The following VPS13B variants were observed in gnomAD, a reference collection of about 807,000 sequenced individuals.
VPS13B encodes the protein intermembrane lipid transfer protein VPS13B.
A neutral mutation model predicts 426.4 loss-of-function variants in VPS13B; 285 were observed. The observed-to-expected ratio is 0.67, with a 90% CI of 0.61 to 0.74. The LOEUF (loss-of-function observed/expected upper bound fraction) is 0.74. VPS13B is among the 30% of genes least tolerant of loss of function. VPS13B has a pLI of 0.00. For missense variants in VPS13B, 4,537 were observed against 4,782.6 expected, an observed-to-expected ratio of 0.95 and a Z score of 1.51; for synonymous variants, 1,676 against 1,676.4, an observed-to-expected ratio of 1.00 and a Z score of 0.01.
Position 99,183,736 on chromosome 8 carries a change from A to G in VPS13B, c.2334-9140A>G, listed in dbSNP as rs144448226. 1.8e-3 allele frequency among the ~76,000 whole-genome samples: 277 copies of G among 152,320 alleles called. 1 individual carries two copies. Among genetic ancestry groups the G allele is most frequent in the African/African-American group, 6.3e-3 (262 of 41,586 alleles). On this transcript the variant is annotated intron_variant, in intron 16 of 61. Coordinates refer to ENST00000357162, the MANE Select transcript of VPS13B (RefSeq NM_152564.5). ...AATAAAGGTAATCCTTAAGTAAACT[A>G]TAAGTATTCATTTTTAAAAAATGAC...
chr8:99,178,602 TTTTA>T (rs1281133144), intron 16 of VPS13B, among the ~76,000 whole-genome samples: 2 of 152,084 alleles, frequency 1.3e-5, no homozygotes, highest in African/African-American at 4.8e-5. Flanking sequence ...ATTGGACATC[TTTTA>T]TTTATTTTAT....
At position 99,195,152 on chromosome 8, in the gene VPS13B, A is replaced by G. The variant is rs192075113; in HGVS notation, c.2515+2095A>G. Among the ~76,000 whole-genome samples the G allele has an allele frequency of 6.3e-3, 962 of 152,150 alleles. 8 individuals carry two copies. Among genetic ancestry groups the G allele is most frequent in the African/African-American group, 0.022 (903 of 41,532 alleles). On this transcript the variant is annotated intron_variant, in intron 17 of 61. Coordinates refer to ENST00000357162, the MANE Select transcript of VPS13B (RefSeq NM_152564.5). ...GAAGGTTGTATTAATTTTCATTCCC[A>G]CCAATGGTATTCTCTTTTTCTCCAC... is the stretch of plus-strand genomic sequence containing the variant.
chr8:99,463,427 TATTATC>T (rs778965397), intron 23 of VPS13B, among the ~76,000 whole-genome samples: 54 of 152,228 alleles, frequency 3.5e-4, no homozygotes, highest in Non-Finnish European at 2.2e-4. Context: ...CTCTTAATAC[TATTATC>T]ATTATTATTA....
intron 3 of VPS13B, among the ~76,000 whole-genome samples, chr8:99,083,956 A>T (rs1427346486): frequency 6.6e-6 from 1 of 151,536 alleles, no homozygotes; most frequent in East Asian, 1.9e-4. Flanking sequence ...TGGTATCAGG[A>T]TGATGCTGGC....
rs565552197 is a variant in VPS13B at position 99,162,507 on chromosome 8, G to T, written c.2208+5764G>T. Among the ~76,000 whole-genome samples the T allele has an allele frequency of 4.6e-5, 7 of 152,154 alleles. 1 individual carries two copies. The highest frequency in any genetic ancestry group is 1.7e-4 in the African/African-American group (7 of 41,508). Reference sequence around the variant, plus strand: ...AGTGTTACAGCTCTTAAGGTGGCGCGTCTGGAGTCTGTCCCTTCTGATGTT... The same window carrying T: ...AGTGTTACAGCTCTTAAGGTGGCGCTTCTGGAGTCTGTCCCTTCTGATGTT... On this transcript the variant is annotated intron_variant, in intron 15 of 61. Coordinates refer to ENST00000357162, the MANE Select transcript of VPS13B (RefSeq NM_152564.5).
intron 3 of VPS13B, among the ~76,000 whole-genome samples, chr8:99,053,132 A>G (rs868567962): frequency 6.6e-6 from 1 of 151,064 alleles, no homozygotes; most frequent in Non-Finnish European, 1.5e-5. Flanking sequence ...TTATTTAATT[A>G]TTTATTTATT....
intron 37 of VPS13B, among the ~76,000 whole-genome samples, chr8:99,718,802 G>C (rs1833019643): frequency 6.6e-6 from 1 of 151,692 alleles, no homozygotes; most frequent in Non-Finnish European, 1.5e-5. Context: ...GAGTACCCAG[G>C]ACCACAAGCA....
chr8:99,640,561 C>G (rs183844378), intron 33 of VPS13B, among the ~76,000 whole-genome samples: 49 of 152,210 alleles, frequency 3.2e-4, no homozygotes, highest in Non-Finnish European at 5.9e-4. Flanking sequence ...AATCACTGCA[C>G]CTGGCCTAAT....
chr8:99,590,212 A>G (rs1203849053), intron 33 of VPS13B, among the ~76,000 whole-genome samples: 3 of 151,944 alleles, frequency 2.0e-5, no homozygotes, highest in Admixed American at 6.6e-5. Context: ...TATTGCATCT[A>G]TTTGATTCTT....
intron 33 of VPS13B, among the ~76,000 whole-genome samples, chr8:99,579,768 G>C (rs192275488): frequency 6.6e-6 from 1 of 150,828 alleles, no homozygotes; most frequent in East Asian, 1.9e-4. Context: ...TGCCATCTCA[G>C]CTCACTGCAA....
chr8:99,682,062 C>G (rs1831175656), intron 35 of VPS13B, among the ~76,000 whole-genome samples: 1 of 152,144 alleles, frequency 6.6e-6, no homozygotes, highest in Non-Finnish European at 1.5e-5. Flanking sequence ...TTTAAATCAG[C>G]CTGCAGCATT....
intron 2 of VPS13B, among the ~76,000 whole-genome samples, chr8:99,026,313 A>C (rs565061873): frequency 4.9e-4 from 74 of 152,260 alleles, no homozygotes; most frequent in African/African-American, 1.7e-3. Context: ...TCCAAAGTGT[A>C]CTTGTTACTG....
At chr8:99,855,559 T>C (rs1816503669) in intron 56 of VPS13B, among the ~76,000 whole-genome samples, 1 of 152,126 alleles carries the variant, frequency 6.6e-6, no homozygotes, top group South Asian at 2.1e-4. Flanking sequence ...CCCTTTCCAA[T>C]AAAGAACATG....
intron 17 of VPS13B, among the ~76,000 whole-genome samples, chr8:99,238,540 C>T (rs1816755926): frequency 6.6e-6 from 1 of 151,956 alleles, no homozygotes; most frequent in African/African-American, 2.4e-5. Context: ...ACTTTTCCTC[C>T]AGTGTATTTT....
At position 99,832,447 on chromosome 8, in the gene VPS13B, C is replaced by T. The variant is rs553756124; in HGVS notation, c.9409C>T (p.Pro3137Ser). 39 of 1,606,966 alleles carry T rather than the reference C, an allele frequency of 2.4e-5. No individual in the cohort carries two copies. The highest frequency in any genetic ancestry group is 4.1e-5 in the African/African-American group (3 of 73,918). The change falls in exon 52 of 62, where the codon CCT becomes TCT. Residue 3137 changes from proline to serine, a missense_variant. This residue lies in a region of VPS13B where 4,311 missense variants were observed against 4,474.3 expected (regional missense o/e 0.96). Transcript: ENST00000357162. ...EQPAMKSSSL[P>S]CWDLMPDISQ... Reference sequence around the variant, plus strand: ...GCCTGCTATGAAATCCAGCTCCCTTCCTTGCTGGGACTTGATGCCTGACAT... The same window carrying T: ...GCCTGCTATGAAATCCAGCTCCCTTTCTTGCTGGGACTTGATGCCTGACAT...
At chr8:99,610,053 C>A (rs904381175) in intron 33 of VPS13B, among the ~76,000 whole-genome samples, 1 of 152,118 alleles carries the variant, frequency 6.6e-6, no homozygotes, top group Admixed American at 6.5e-5. Context: ...GTCCCTGTTT[C>A]TTTTTTTCTA....
rs1464352300 is a variant in VPS13B at position 99,721,128 on chromosome 8, A to G, written c.7050+81A>G. The G allele has an allele frequency of 2.1e-6, 3 of 1,418,818 alleles. No homozygotes were observed. The African/African-American group carries it at 4.2e-5, about 20-fold the overall frequency. The allele number at this position is 1,418,818 out of a possible 1,614,324, so 87.9% of individuals were successfully genotyped here. ...ATATTAGGAAAAATGTTTGGAACATACTTACTTCTTACATTAATAGTATCA... is the reference window on the plus strand; with the variant it reads ...ATATTAGGAAAAATGTTTGGAACATGCTTACTTCTTACATTAATAGTATCA... On this transcript the variant is annotated intron_variant, in intron 39 of 61. Coordinates refer to ENST00000357162, the MANE Select transcript of VPS13B (RefSeq NM_152564.5).
chr8:99,454,457 G>C (rs1268141221), intron 23 of VPS13B, among the ~76,000 whole-genome samples: 1 of 152,120 alleles, frequency 6.6e-6, no homozygotes, highest in Non-Finnish European at 1.5e-5. Context: ...GGTGTGAGCA[G>C]CTGCACCTGG....
intron 16 of VPS13B, among the ~76,000 whole-genome samples, chr8:99,182,756 A>C (rs1813011278): frequency 6.6e-6 from 1 of 152,204 alleles, no homozygotes; most frequent in Non-Finnish European, 1.5e-5. Flanking sequence ...TTCTTCTTTG[A>C]GACGGAGTCT....
Sources: gnomAD v4.1 joint callset for allele counts (sites outside exome capture counted in the v4.1 genomes callset) on GRCh38, gnomAD v4.1.1 for gene constraint, gnomAD v4.1.1 regional missense constraint, MANE v1.5 for transcripts, NCBI Gene and HGNC (gene_info 2026-07-23, HGNC 2026-07-21) for gene names.